Variants in RAD51B observed in about 807,000 individuals in gnomAD.
RAD51B encodes DNA repair protein RAD51 homolog 2.
Under a neutral mutation model 42.2 loss-of-function variants are expected in RAD51B, and 38 were observed. That is an observed-to-expected ratio of 0.90 (90% CI 0.70 to 1.18). RAD51B has a LOEUF of 1.18. RAD51B is among the 50% of genes most tolerant of loss of function. RAD51B has a pLI of 0.00. For synonymous variants in RAD51B, 154 were observed against 145.2 expected (o/e 1.06, Z -0.43); for missense variants, 373 against 400.7 (o/e 0.93, Z 0.59).
intron 11 of RAD51B, among the ~76,000 whole-genome samples, chr14:68,671,916 T>C (rs1162346145): frequency 6.6e-6 from 1 of 152,184 alleles, no homozygotes; most frequent in Non-Finnish European, 1.5e-5. Flanking sequence ...GCTGCCTTCT[T>C]GGGGTCAGTG....
intron 7 of RAD51B, among the ~76,000 whole-genome samples, chr14:68,279,404 T>A (rs2139617738): frequency 6.6e-6 from 1 of 152,362 alleles, no homozygotes; most frequent in South Asian, 2.1e-4. Context: ...GTAGGATTGG[T>A]AGTCAGTGTT....
At chr14:67,868,414 G>A (rs201477278) in intron 5 of RAD51B, among the ~76,000 whole-genome samples, 7,913 of 149,692 alleles carry the variant, frequency 0.053, 471 homozygotes, top group African/African-American at 0.15. Flanking sequence ...ATTATATCCC[G>A]CACCTGGCTC....
At chr14:68,441,402 C>T (rs948133641) in intron 9 of RAD51B, among the ~76,000 whole-genome samples, 7 of 143,206 alleles carry the variant, frequency 4.9e-5, no homozygotes, top group African/African-American at 1.0e-4. Context: ...ATTAGCCGGG[C>T]GCGGTGGCAG....
chr14:68,228,350 A>C (rs2080082625), intron 7 of RAD51B, among the ~76,000 whole-genome samples: 1 of 152,228 alleles, frequency 6.6e-6, no homozygotes, highest in East Asian at 1.9e-4. Flanking sequence ...AAATTTTATT[A>C]GCTTAATGAA....
intron 7 of RAD51B, among the ~76,000 whole-genome samples, chr14:67,894,789 T>C (rs2043353473): frequency 6.6e-6 from 1 of 152,134 alleles, no homozygotes; most frequent in Non-Finnish European, 1.5e-5. Context: ...CTTTTTTTCT[T>C]TTTATTTTTT....
At chr14:68,573,729 T>C (rs1320442856) in intron 10 of RAD51B, among the ~76,000 whole-genome samples, 3 of 152,154 alleles carry the variant, frequency 2.0e-5, no homozygotes, top group Non-Finnish European at 4.4e-5. Context: ...GTCTCAGGAC[T>C]CCCCTCAGGA....
intron 7 of RAD51B, among the ~76,000 whole-genome samples, chr14:68,246,537 G>A (rs1195757153): frequency 6.6e-6 from 1 of 152,156 alleles, no homozygotes; most frequent in African/African-American, 2.4e-5. Context: ...AACCCAGTGT[G>A]GTTGTGAATT....
chr14:67,967,038 G>C (rs991688307), intron 7 of RAD51B, among the ~76,000 whole-genome samples: 1 of 152,138 alleles, frequency 6.6e-6, no homozygotes, highest in African/African-American at 2.4e-5. Flanking sequence ...CACTTGGCTG[G>C]GGAGGCCTCA....
intron 7 of RAD51B, among the ~76,000 whole-genome samples, chr14:67,988,188 C>T (rs1488111693): frequency 6.6e-6 from 1 of 151,972 alleles, no homozygotes; most frequent in East Asian, 1.9e-4. Flanking sequence ...AGGCTAGGTG[C>T]GGTCGTTCAC....
intron 7 of RAD51B, among the ~76,000 whole-genome samples, chr14:68,032,355 A>G (rs1356446191): frequency 6.6e-6 from 1 of 151,778 alleles, no homozygotes; most frequent in East Asian, 1.9e-4. Flanking sequence ...GCTATTCTCC[A>G]CTTTTTATCT....
At chr14:68,643,196 G>A (rs1391300306) in intron 10 of RAD51B, among the ~76,000 whole-genome samples, 1 of 152,104 alleles carries the variant, frequency 6.6e-6, no homozygotes, top group Non-Finnish European at 1.5e-5. Flanking sequence ...CTGTTGTTAG[G>A]TGCATACAAG....
chr14:68,477,186 G>A (rs562129502), intron 10 of RAD51B, among the ~76,000 whole-genome samples: 2 of 152,302 alleles, frequency 1.3e-5, no homozygotes, highest in East Asian at 3.9e-4. Flanking sequence ...CTCCCCCACA[G>A]GGCTGCTTTC....
chr14:68,332,356 T>C (rs2082367991), intron 8 of RAD51B, among the ~76,000 whole-genome samples: 1 of 152,246 alleles, frequency 6.6e-6, no homozygotes. Flanking sequence ...ACTTTGGTCA[T>C]TTATTTTTTT....
intron 10 of RAD51B, among the ~76,000 whole-genome samples, chr14:68,572,346 G>A (rs1240332666): frequency 6.6e-6 from 1 of 152,246 alleles, no homozygotes; most frequent in East Asian, 1.9e-4. Context: ...GTCACACCTT[G>A]CAGGCTGGAC....
At chr14:68,155,914 C>G (rs1024175276) in intron 7 of RAD51B, among the ~76,000 whole-genome samples, 2 of 152,134 alleles carry the variant, frequency 1.3e-5, no homozygotes, top group African/African-American at 4.8e-5. Flanking sequence ...CACATAGAGA[C>G]GTGGTGTTCA....
downstream of RAD51B, among the ~76,000 whole-genome samples, chr14:68,600,327 T>C (rs1891166508): frequency 6.6e-6 from 1 of 152,218 alleles, no homozygotes; most frequent in African/African-American, 2.4e-5. Flanking sequence ...ACTGGAGATT[T>C]AGGGCCTAAT....
At chr14:68,539,164 T>A (rs1023054852) in intron 10 of RAD51B, among the ~76,000 whole-genome samples, 1 of 152,194 alleles carries the variant, frequency 6.6e-6, no homozygotes, top group Non-Finnish European at 1.5e-5. Flanking sequence ...GCAGTTGCTC[T>A]CCACAGGGAT....
At chr14:67,843,777 A>G (rs1010052579) in intron 4 of RAD51B, among the ~76,000 whole-genome samples, 18 of 148,270 alleles carry the variant, frequency 1.2e-4, no homozygotes, top group Admixed American at 2.0e-4. Context: ...TATCTTATAT[A>G]TTCTTTCAAG....
At chr14:68,622,376 G>A (rs979833721) in intron 10 of RAD51B, among the ~76,000 whole-genome samples, 1 of 152,142 alleles carries the variant, frequency 6.6e-6, no homozygotes, top group African/African-American at 2.4e-5. Flanking sequence ...TGCAGGCATG[G>A]TCTCTCTCCT....
Sources: gnomAD v4.1 joint callset for allele counts (sites outside exome capture counted in the v4.1 genomes callset) on GRCh38, gnomAD v4.1.1 for gene constraint, MANE v1.5 for transcripts, NCBI Gene and HGNC (gene_info 2026-07-23, HGNC 2026-07-21) for gene names.